Variants in DCLK1 observed in about 807,000 individuals in gnomAD.
The protein encoded by DCLK1 is doublecortin like kinase 1, also known as serine/threonine-protein kinase DCLK1.
In DCLK1, 16 loss-of-function variants were observed where a neutral mutation model predicts 86.2. The observed-to-expected ratio is 0.19, with a 90% CI of 0.13 to 0.28. DCLK1 has a LOEUF of 0.28. Among genes scored for constraint, DCLK1 ranks in the 10% least tolerant of loss-of-function variants. DCLK1 has a pLI of 1.00. For synonymous variants in DCLK1, 369 were observed against 370.5 expected (o/e 1.00, Z 0.05); for missense variants, 590 against 940.2 (o/e 0.63, Z 4.87).
chr13:35,940,349 C>T lies in DCLK1; in HGVS notation c.823+7009G>A, dbSNP rs116501572. ...TCACATCTGACCTAAGTGTTACTGT[C>T]TGCAGGTACTTGAGCTTAGCACACT... On this transcript the variant is annotated intron_variant, in intron 4 of 16. Coordinates refer to ENST00000360631, the MANE Select transcript of DCLK1 (RefSeq NM_001330071.2). 1.5e-3 allele frequency among the ~76,000 whole-genome samples: 224 copies of T among 151,316 alleles called. 1 individual carries two copies. The highest frequency in any genetic ancestry group is 5.3e-3 in the African/African-American group (220 of 41,196).
At chr13:36,003,446 T>A (rs1880811990) in intron 3 of DCLK1, among the ~76,000 whole-genome samples, 1 of 152,190 alleles carries the variant, frequency 6.6e-6, no homozygotes, top group Admixed American at 6.5e-5. Flanking sequence ...TTACGACATA[T>A]AACCAGAACC....
intron 3 of DCLK1, among the ~76,000 whole-genome samples, chr13:35,996,260 T>G (rs1296200164): frequency 6.6e-6 from 1 of 152,306 alleles, no homozygotes; most frequent in East Asian, 1.9e-4. Flanking sequence ...AAATCATCAG[T>G]GCTTTAAGAA....
At chr13:36,031,762 T>G (rs1482466904) in intron 3 of DCLK1, among the ~76,000 whole-genome samples, 1 of 152,160 alleles carries the variant, frequency 6.6e-6, no homozygotes, top group Non-Finnish European at 1.5e-5. Context: ...TGCGATTTGT[T>G]GTGGTTGTTG....
At chr13:35,783,581 T>G (rs2086568480) in intron 16 of DCLK1, among the ~76,000 whole-genome samples, 1 of 152,156 alleles carries the variant, frequency 6.6e-6, no homozygotes, top group Non-Finnish European at 1.5e-5. Flanking sequence ...TAATTGAATC[T>G]CAATCTCCAT....
intron 4 of DCLK1, among the ~76,000 whole-genome samples, chr13:35,917,973 G>C (rs1470097995): frequency 6.6e-6 from 1 of 152,132 alleles, no homozygotes; most frequent in African/African-American, 2.4e-5. Flanking sequence ...CTGAAAGCCA[G>C]ACAGAAGAGA....
At chr13:35,816,556 A>T (rs976658478) in intron 11 of DCLK1, among the ~76,000 whole-genome samples, 3 of 152,146 alleles carry the variant, frequency 2.0e-5, no homozygotes, top group African/African-American at 7.2e-5. Flanking sequence ...GGCCCATTTG[A>T]TCTTCATACC....
chr13:35,921,330 T>C (rs1168828685), intron 4 of DCLK1, among the ~76,000 whole-genome samples: 5 of 152,076 alleles, frequency 3.3e-5, no homozygotes, highest in Admixed American at 6.6e-5. Context: ...CCTGAAAGCA[T>C]TCTTCTCTCA....
intron 4 of DCLK1, among the ~76,000 whole-genome samples, chr13:35,917,485 A>G (rs965539852): frequency 2.0e-5 from 3 of 152,136 alleles, no homozygotes; most frequent in African/African-American, 7.2e-5. Flanking sequence ...GGAGCTTTCA[A>G]GCAATCCCGT....
rs1886057232 is a variant in DCLK1, at chr13:36,123,294, A to G, written c.376+2468T>C. ...GGCGAATCTAAATGAATTTCCAGCTATTTAAACACTAAGTGCAGCTGCATG... is the reference window on the plus strand; with the variant it reads ...GGCGAATCTAAATGAATTTCCAGCTGTTTAAACACTAAGTGCAGCTGCATG... On this transcript the variant is annotated intron_variant, in intron 2 of 16. Coordinates refer to ENST00000360631, the MANE Select transcript of DCLK1 (RefSeq NM_001330071.2). 1.3e-5 allele frequency among the ~76,000 whole-genome samples: 2 copies of G among 152,238 alleles called. 1 individual carries two copies. Among genetic ancestry groups the G allele is most frequent in the Admixed American group, 1.3e-4 (2 of 15,284 alleles).
intron 3 of DCLK1, among the ~76,000 whole-genome samples, chr13:36,020,444 A>G (rs1417222381): frequency 6.6e-6 from 1 of 152,190 alleles, no homozygotes; most frequent in Non-Finnish European, 1.5e-5. Context: ...AAAGGCTTGC[A>G]CCAATTTGAG....
chr13:36,126,201 T>TTATATA (rs144431309), intron 1 of DCLK1, 45 bp from the exon 2 acceptor site: 1 of 1,244,490 alleles, frequency 8.0e-7, no homozygotes, highest in Non-Finnish European at 1.0e-6. Context: ...TTGATGTAGG[T>TTATATA]TATATATATA....
At chr13:35,931,468 GT>G (rs1392485167) in intron 4 of DCLK1, among the ~76,000 whole-genome samples, 2 of 152,176 alleles carry the variant, frequency 1.3e-5, no homozygotes, top group African/African-American at 4.8e-5. Context: ...AGCCTGCATG[GT>G]TTGGCAATTG....
chr13:35,891,341 T>G (rs1409271815), intron 4 of DCLK1, among the ~76,000 whole-genome samples: 1 of 152,200 alleles, frequency 6.6e-6, no homozygotes, highest in Non-Finnish European at 1.5e-5. Context: ...AAGTTACTAT[T>G]TCCTTGTAAG....
chr13:35,867,921 G>GAAAA (rs1871944135), intron 5 of DCLK1, among the ~76,000 whole-genome samples: 1 of 127,310 alleles, frequency 7.9e-6, no homozygotes, highest in Non-Finnish European at 1.6e-5. Context: ...AAGAAAGAAA[G>GAAAA]AAAGAAAGAA....
intron 3 of DCLK1, among the ~76,000 whole-genome samples, chr13:36,087,748 T>G (rs1344489818): frequency 6.6e-6 from 1 of 151,468 alleles, no homozygotes; most frequent in Non-Finnish European, 1.5e-5. Flanking sequence ...TGATTGGGAG[T>G]GGGCAAAGGT....
At chr13:35,776,016 C>T (rs1282179122) in intron 16 of DCLK1, among the ~76,000 whole-genome samples, 1 of 152,170 alleles carries the variant, frequency 6.6e-6, no homozygotes, top group Non-Finnish European at 1.5e-5. Context: ...ACTGAATGAA[C>T]AGGGTTACAA....
chr13:36,015,065 T>A (rs1881488324), intron 3 of DCLK1, among the ~76,000 whole-genome samples: 1 of 151,960 alleles, frequency 6.6e-6, no homozygotes, highest in Admixed American at 6.6e-5. Context: ...TTGATGTGAT[T>A]GCATCTGCTC....
chr13:35,998,844 G>C (rs911704579), intron 3 of DCLK1, among the ~76,000 whole-genome samples: 6 of 152,264 alleles, frequency 3.9e-5, no homozygotes, highest in African/African-American at 1.2e-4. Context: ...CGCTACAACA[G>C]ATACTGAACA....
intron 16 of DCLK1, among the ~76,000 whole-genome samples, chr13:35,784,333 G>T (rs1157282105): frequency 6.6e-6 from 1 of 152,094 alleles, no homozygotes; most frequent in African/African-American, 2.4e-5. Context: ...ATTTTAAAAA[G>T]ACTTATATGT....
Sources: gnomAD v4.1 joint callset for allele counts (sites outside exome capture counted in the v4.1 genomes callset) on GRCh38, gnomAD v4.1.1 for gene constraint, MANE v1.5 for transcripts, NCBI Gene and HGNC (gene_info 2026-07-23, HGNC 2026-07-21) for gene names.